The following NUP35 variants were observed in gnomAD, a reference collection of about 807,000 sequenced individuals.
NUP35 encodes the protein nucleoporin 35.
A neutral mutation model predicts 41.5 loss-of-function variants in NUP35; 25 were observed. That is an observed-to-expected ratio of 0.60 (90% confidence interval 0.44 to 0.84). NUP35 has a LOEUF of 0.84. Ranked by LOEUF, NUP35 falls within the 40% of genes least tolerant of loss-of-function variation. NUP35 has a pLI of 0.00. For missense variants in NUP35, 396 were observed against 396.6 expected (o/e 1.00, Z 0.01); for synonymous variants, 149 against 130.7 (o/e 1.14, Z -0.96).
At chr2:183,157,757 A>G (rs1338130185) in intron 6 of NUP35, among the ~76,000 whole-genome samples, 1 of 152,122 alleles carries the variant, frequency 6.6e-6, no homozygotes, top group Non-Finnish European at 1.5e-5. Context: ...CTCCTTTCTT[A>G]AACAGTTTAC....
chr2:183,139,327 C>T (rs1685001067), intron 4 of NUP35, among the ~76,000 whole-genome samples: 1 of 151,936 alleles, frequency 6.6e-6, no homozygotes, highest in Admixed American at 6.6e-5. Flanking sequence ...CCACCTCGAC[C>T]TCCCATAGTG....
In NUP35 at chr2:183,130,562, T is replaced by G; in HGVS notation, c.339+17T>G. 1 of 1,609,792 alleles carries G rather than the reference T, an allele frequency of 6.2e-7. No homozygotes were observed. Among genetic ancestry groups the G allele is most frequent in the Non-Finnish European group, 8.5e-7 (1 of 1,178,210 alleles). On this transcript the variant is annotated intron_variant, in intron 3 of 8. Transcript: ENST00000295119. The stretch of plus-strand genomic sequence containing the variant: ...AGAAGACAGGTAATATAAATACCCT[T>G]TTGATCCCCAATGAACAACATCATG...
chr2:183,145,285 A>G (rs1685242222), intron 4 of NUP35, among the ~76,000 whole-genome samples: 1 of 152,240 alleles, frequency 6.6e-6, no homozygotes, highest in Non-Finnish European at 1.5e-5. Context: ...CAGGTTGAAT[A>G]TCCCTTAGCA....
At chr2:183,158,554 T>C (rs1685757770) in intron 7 of NUP35, 143 bp downstream of exon 7, 2 of 657,334 alleles carry the variant, frequency 3.0e-6, no homozygotes, top group Admixed American at 6.9e-5. Flanking sequence ...TATAGTACTC[T>C]TTGTGGTAAG....
chr2:183,150,000 G>A (rs752879752), intron 4 of NUP35, among the ~76,000 whole-genome samples: 6 of 151,860 alleles, frequency 4.0e-5, no homozygotes, highest in African/African-American at 4.8e-5. Context: ...TCCGCCTCCC[G>A]GGTTCAAGCG....
intron 3 of NUP35, 118 bp downstream of exon 3, chr2:183,130,663 C>T: frequency 9.1e-7 from 1 of 1,100,832 alleles, no homozygotes; most frequent in Non-Finnish European, 1.3e-6. Flanking sequence ...AACTGTGTTG[C>T]ACAGAATAAA....
At chr2:183,127,176 T>C (rs952266740) in intron 1 of NUP35, among the ~76,000 whole-genome samples, 2 of 152,242 alleles carry the variant, frequency 1.3e-5, no homozygotes, top group South Asian at 2.1e-4. Context: ...AGGGAAATAA[T>C]ATCTACTCTA....
intron 3 of NUP35, chr2:183,131,130 A>G (rs1345925231): frequency 3.8e-6 from 1 of 259,848 alleles, no homozygotes; most frequent in African/African-American, 2.2e-5. Context: ...ACGTGCTGCT[A>G]TGCCTGGCTA....
intron 4 of NUP35, among the ~76,000 whole-genome samples, chr2:183,150,382 A>G (rs1045014755): frequency 6.6e-6 from 1 of 152,048 alleles, no homozygotes; most frequent in Non-Finnish European, 1.5e-5. Context: ...TTCTCATCTC[A>G]CATCCCCCTC....
Position 183,128,342 on chromosome 2 carries a change from C to T in NUP35, c.96C>T (p.Ala32=). The change falls in exon 2 of 9, where the codon GCC becomes GCT. Residue 32 remains alanine (A), a synonymous_variant. Coordinates refer to ENST00000295119, the MANE Select transcript of NUP35 (RefSeq NM_138285.5). ...CATCTCCAAAGCCAGGAGTTAATGCCCAGTTCTTACCTGGATTTTTAATGG... is the reference window on the plus strand; with the variant it reads ...CATCTCCAAAGCCAGGAGTTAATGCTCAGTTCTTACCTGGATTTTTAATGG... ...SPTSPKPGVN[A]QFLPGFLMGD... is the part of the protein sequence containing the mutation. The T allele has an allele frequency of 1.2e-6, 2 of 1,613,718 alleles. No individual in the cohort carries two copies. The highest frequency in any genetic ancestry group is 1.1e-5 in the South Asian group (1 of 91,032).
At position 183,151,636 on chromosome 2, in the gene NUP35, G is replaced by A; in HGVS notation, c.526G>A (p.Val176Met). 1.2e-6 allele frequency: 2 copies of A among 1,613,418 alleles called. No homozygotes were observed. The highest frequency in any genetic ancestry group is 1.7e-6 in the Non-Finnish European group (2 of 1,179,770). Reference sequence around the variant, plus strand: ...AGAAGATCACCTCGATGACTCTTGGGTGACTGTATTTGGGTAAGGTTTGCA... The same window carrying A: ...AGAAGATCACCTCGATGACTCTTGGATGACTGTATTTGGGTAAGGTTTGCA... ...TSEDHLDDSWVTVFGFPQASA... is the reference protein window; with the variant it reads ...TSEDHLDDSWMTVFGFPQASA... Residue 176 changes from valine to methionine, a missense_variant, in exon 5 of 9, where the codon GTG becomes ATG. By Grantham distance (21) the Val-to-Met change is conservative. Transcript: ENST00000295119.
chr2:183,138,771 C>T (rs1296482988), intron 4 of NUP35, among the ~76,000 whole-genome samples: 3 of 132,962 alleles, frequency 2.3e-5, no homozygotes, highest in African/African-American at 3.2e-5. Flanking sequence ...TGGTAGGTCA[C>T]TCGTTAATTA....
At chr2:183,120,628 T>A (rs1700054586), upstream of NUP35, among the ~76,000 whole-genome samples, 1 of 152,128 alleles carries the variant, frequency 6.6e-6, no homozygotes, top group Non-Finnish European at 1.5e-5. Context: ...GAGCAGACAC[T>A]GTACTAAGAA....
In NUP35 at chr2:183,138,263, ATATATATT is replaced by A. The variant is rs1310137494; in HGVS notation, c.397+4642_397+4649del. Among the ~76,000 whole-genome samples the A allele has an allele frequency of 1.6e-4, 11 of 67,118 alleles. 1 individual carries two copies. Among genetic ancestry groups the A allele is most frequent in the South Asian group, 9.2e-4 (2 of 2,168 alleles). The allele number at this position is 67,118 out of a possible 152,430, so 44.0% of individuals were successfully genotyped here. On this transcript the variant is annotated intron_variant, in intron 4 of 8. Coordinates refer to ENST00000295119, the MANE Select transcript of NUP35 (RefSeq NM_138285.5). The stretch of plus-strand genomic sequence containing the variant: ...TTTAGAGCTATATATATATATATAT[ATATATATT>A]TTTTTTTTTTTTTAGCTCCTGTATT...
intron 4 of NUP35, among the ~76,000 whole-genome samples, chr2:183,150,470 C>T (rs934312757): frequency 3.3e-5 from 5 of 152,066 alleles, no homozygotes; most frequent in Non-Finnish European, 7.4e-5. Flanking sequence ...TTATTATTTT[C>T]TCCACAAAAT....
upstream of NUP35, among the ~76,000 whole-genome samples, chr2:183,121,241 C>T (rs16824004): frequency 0.16 from 24,677 of 151,932 alleles, 3,113 homozygotes; most frequent in African/African-American, 0.35. Flanking sequence ...AGTTTTATTT[C>T]GGAAGAGCAT....
intron 4 of NUP35, among the ~76,000 whole-genome samples, chr2:183,137,103 T>C (rs752400374): frequency 4.0e-5 from 6 of 151,450 alleles, no homozygotes; most frequent in Admixed American, 3.9e-4. Flanking sequence ...AAAAAAGAAA[T>C]CTTGGAGGCC....
intron 1 of NUP35, chr2:183,118,453 A>G (rs1405044279): frequency 6.6e-6 from 1 of 152,260 alleles, no homozygotes; most frequent in Non-Finnish European, 1.5e-5. Context: ...ATAAGCACTT[A>G]ATATAACTAA....
chr2:183,157,368 A>G (rs1157838696), intron 5 of NUP35, 76 bp from the exon 6 acceptor site: 1 of 1,081,786 alleles, frequency 9.2e-7, no homozygotes, highest in African/African-American at 1.6e-5. Context: ...TTTATCTTGA[A>G]ACATTATCTT....
Sources: allele counts gnomAD v4.1 joint callset (sites outside exome capture counted in the v4.1 genomes callset), GRCh38; gene constraint gnomAD v4.1.1; transcripts MANE v1.5; gene names NCBI Gene and HGNC (gene_info 2026-07-23, HGNC 2026-07-21).